Variants in CPN2 observed in about 807,000 individuals in gnomAD.
The protein encoded by CPN2 is carboxypeptidase N subunit 2.
For synonymous variants in CPN2, 336 were observed against 318.4 expected, an observed-to-expected ratio of 1.06 and a Z score of -0.59; for missense variants, 620 against 671.4, an observed-to-expected ratio of 0.92 and a Z score of 0.85.
chr3:194,349,778 C>CG (rs1713196230), intron 1 of CPN2, among the ~76,000 whole-genome samples: 3 of 65,538 alleles, frequency 4.6e-5, no homozygotes, highest in African/African-American at 1.2e-4. Flanking sequence ...CTACCCTCTT[C>CG]TTTTTTTTTT....
At chr3:194,350,372 G>A (rs997295631) in intron 1 of CPN2, among the ~76,000 whole-genome samples, 3 of 152,184 alleles carry the variant, frequency 2.0e-5, no homozygotes, top group Non-Finnish European at 4.4e-5. Context: ...AGTAGCAGGG[G>A]AAAGCACTTT....
intron 1 of CPN2, among the ~76,000 whole-genome samples, chr3:194,343,750 C>A (rs1459573176): frequency 6.6e-6 from 1 of 152,174 alleles, no homozygotes; most frequent in East Asian, 1.9e-4. Flanking sequence ...TAGTCCCTAC[C>A]ACATAAGGGT....
chr3:194,342,445 G>A lies in CPN2; in HGVS notation c.258C>T (p.Cys86=), dbSNP rs1712888810. The change falls in exon 2 of 2, where the codon TGC becomes TGT. Residue 86 remains cysteine (C), a synonymous_variant. Coordinates refer to ENST00000323830, the MANE Select transcript of CPN2 (RefSeq NM_001080513.4). ...TKVVFLNTQL[C]QFRPDAFGGL... is the part of the protein sequence containing the mutation. ...CCCCGAAGGCATCCGGCCTAAACTGGCAGAGCTGAGTGTTGAGGAAGACCA... is the reference window on the plus strand; with the variant it reads ...CCCCGAAGGCATCCGGCCTAAACTGACAGAGCTGAGTGTTGAGGAAGACCA... The A allele has an allele frequency of 5.0e-6, 8 of 1,614,126 alleles. No homozygotes were observed. Among genetic ancestry groups the A allele is most frequent in the Non-Finnish European group, 6.8e-6 (8 of 1,180,040 alleles).
Position 194,342,227 on chromosome 3 carries a change from GC to G in CPN2, c.475del (p.Ala159ProfsTer10). On this transcript the variant is annotated frameshift_variant, in exon 2 of 2. Coordinates refer to ENST00000323830, the MANE Select transcript of CPN2 (RefSeq NM_001080513.4). LOFTEE classifies it low-confidence loss of function (END_TRUNC). ...AGGCTGGAAGAGCCTCCTGGGCAGG[GC>G]CTGGAGCTGGTTCCCCTGCAGGTGG... ...SLHLQGNQLQ[A>X]LPRRLFQPLT... 6.2e-7 allele frequency: 1 copy of G among 1,613,960 alleles called. No individual in the cohort carries two copies. Among genetic ancestry groups the G allele is most frequent in the Non-Finnish European group, 8.5e-7 (1 of 1,179,922 alleles).
chr3:194,344,654 C>A (rs1463212202), intron 1 of CPN2, among the ~76,000 whole-genome samples: 1 of 152,200 alleles, frequency 6.6e-6, no homozygotes, highest in Non-Finnish European at 1.5e-5. Flanking sequence ...GAGATCGTGC[C>A]ACTGCACTCC....
intron 1 of CPN2, among the ~76,000 whole-genome samples, chr3:194,349,772 CCT>C: frequency 8.3e-6 from 1 of 120,694 alleles, no homozygotes; most frequent in African/African-American, 3.5e-5. Flanking sequence ...TCCTGACTAC[CCT>C]CTTCTTTTTT....
In CPN2 at chr3:194,342,195, G is replaced by A. The variant is rs146780118; in HGVS notation, c.508C>T (p.His170Tyr). ...LPRRLFQPLT[H>Y]LKTLNLAQNL... ...TGGGCCAGGTTGAGTGTCTTCAGAT[G>A]GGTCAGAGGCTGGAAGAGCCTCCTG... is the stretch of plus-strand genomic sequence containing the variant. The change falls in exon 2 of 2, where the codon CAT becomes TAT. Residue 170 changes from histidine (H) to tyrosine (Y), a missense_variant. His to Tyr is a moderately conservative substitution (Grantham distance 83). Transcript: ENST00000323830. 1.6e-5 allele frequency: 26 copies of A among 1,613,964 alleles called. No individual in the cohort carries two copies. The East Asian group carries it at 4.7e-4, about 29-fold the overall frequency.
In CPN2 at chr3:194,342,052, G is replaced by T. The variant is rs1313120037; in HGVS notation, c.651C>A (p.Gly217=). 2.5e-6 allele frequency: 4 copies of T among 1,614,184 alleles called. No homozygotes were observed. Among genetic ancestry groups the T allele is most frequent in the Non-Finnish European group, 2.5e-6 (3 of 1,180,032 alleles). ...GLPQGVFGKL[G]SLQELFLDSN... is the part of the protein sequence containing the mutation. ...TGTCCAGGAAGAGCTCCTGCAGGCT[G>T]CCCAGTTTGCCAAACACACCCTGGG... is the stretch of plus-strand genomic sequence containing the variant. The change falls in exon 2 of 2, where the codon GGC becomes GGA. Residue 217 remains glycine (G), a synonymous_variant. Transcript: ENST00000323830.
At chr3:194,343,320 T>A (rs1712934489) in intron 1 of CPN2, among the ~76,000 whole-genome samples, 1 of 152,236 alleles carries the variant, frequency 6.6e-6, no homozygotes, top group Non-Finnish European at 1.5e-5. Context: ...TACTGTTTTT[T>A]AAAAAATTAA....
rs768490990 is a variant in CPN2 at position 194,342,179 on chromosome 3, T to C, written c.524A>G (p.Asn175Ser). The C allele has an allele frequency of 1.8e-5, 29 of 1,613,904 alleles. No individual in the cohort carries two copies. The highest frequency in any genetic ancestry group is 6.7e-5 in the African/African-American group (5 of 74,882). The part of the protein sequence containing the change: ...FQPLTHLKTL[N>S]LAQNLLAQLP... ...CTGGGCCAGGAGGTTCTGGGCCAGG[T>C]TGAGTGTCTTCAGATGGGTCAGAGG... is the stretch of plus-strand genomic sequence containing the variant. Residue 175 changes from asparagine to serine, a missense_variant, in exon 2 of 2, where the codon AAC (asparagine) becomes AGC (serine). By Grantham distance (46) the Asn-to-Ser change is conservative (BLOSUM62 1). Coordinates refer to ENST00000323830, the MANE Select transcript of CPN2 (RefSeq NM_001080513.4).
At chr3:194,349,990 T>C (rs1273302868) in intron 1 of CPN2, among the ~76,000 whole-genome samples, 1 of 151,618 alleles carries the variant, frequency 6.6e-6, no homozygotes, top group Non-Finnish European at 1.5e-5. Context: ...TTAGTAGAGA[T>C]GGGGTTTCAC....
rs60371099 is a variant in CPN2 at position 194,348,280 on chromosome 3, C to T, written c.-4+2962G>A. On this transcript the variant is annotated intron_variant, in intron 1 of 1. Coordinates refer to ENST00000323830, the MANE Select transcript of CPN2 (RefSeq NM_001080513.4). ...CATCCGCTGCCCAGTTCAGCCCACC[C>T]CACCCTCTGCCCAGTTCATCCCACC... Among the ~76,000 whole-genome samples, 1,100 of 42,554 alleles carry T rather than the reference C, an allele frequency of 0.026. 465 individuals are homozygous for T. In the East Asian group the frequency reaches 0.33, roughly 13 times the overall value. The allele number at this position is 42,554 out of a possible 152,430, so 27.9% of individuals were successfully genotyped here.
At position 194,341,105 on chromosome 3, in the gene CPN2, C is replaced by G. The variant is rs769880346; in HGVS notation, c.1598G>C (p.Arg533Pro). The change falls in exon 2 of 2, where the codon CGG (arginine) becomes CCG (proline). Residue 533 changes from arginine (R) to proline (P), a missense_variant. Arg to Pro is a moderately radical substitution (Grantham distance 103). Transcript: ENST00000323830. ...CCGAGCCTCGATAGACACGGTGAGC[C>G]GCAGAGAACCGCAGCTCGACCTCAG... ...WDLRSSCGSL[R>P]LTVSIEARAA... The G allele has an allele frequency of 6.2e-7, 1 of 1,610,060 alleles. No homozygotes were observed. The highest frequency in any genetic ancestry group is 8.5e-7 in the Non-Finnish European group (1 of 1,177,556).
chr3:194,349,790 T>C (rs1713198673), intron 1 of CPN2, among the ~76,000 whole-genome samples: 1 of 37,094 alleles, frequency 2.7e-5, no homozygotes, highest in Non-Finnish European at 5.5e-5. Context: ...TTTTTTTTTT[T>C]TTTTTTTTTT....
chr3:194,343,135 C>CA (rs1178553911), intron 1 of CPN2, among the ~76,000 whole-genome samples: 5 of 152,064 alleles, frequency 3.3e-5, no homozygotes, highest in African/African-American at 9.7e-5. Flanking sequence ...GATGGCTCCT[C>CA]AAAACTGCTG....
intron 1 of CPN2, among the ~76,000 whole-genome samples, chr3:194,350,830 AC>A (rs1420773088): frequency 1.3e-5 from 2 of 151,352 alleles, no homozygotes; most frequent in African/African-American, 2.4e-5. Flanking sequence ...ATCTCAAAAA[AC>A]AATAATTATA....
intron 1 of CPN2, among the ~76,000 whole-genome samples, chr3:194,350,618 GC>G (rs1713232442): frequency 6.6e-6 from 1 of 152,094 alleles, no homozygotes; most frequent in South Asian, 2.1e-4. Context: ...ATAAAAGGTG[GC>G]CCCCTGCAGG....
chr3:194,349,978 T>C (rs2108652079), intron 1 of CPN2, among the ~76,000 whole-genome samples: 1 of 151,786 alleles, frequency 6.6e-6, no homozygotes, highest in South Asian at 2.1e-4. Flanking sequence ...ATTTTTGTAT[T>C]TTTAGTAGAG....
chr3:194,342,380 C>A lies in CPN2; in HGVS notation c.323G>T (p.Ser108Ile), dbSNP rs1712882199. The change falls in exon 2 of 2, where the codon AGC becomes ATC. Residue 108 changes from serine to isoleucine, a missense_variant. Physicochemically the swap from Ser to Ile is moderately radical, Grantham distance 142. Transcript: ENST00000323830. ...GATGTTGGTGCTGAGGTTCAAGAAGCTACTGCCTGTGACCTCCAGGTCCTC... is the reference window on the plus strand; with the variant it reads ...GATGTTGGTGCTGAGGTTCAAGAAGATACTGCCTGTGACCTCCAGGTCCTC... ...RLEDLEVTGS[S>I]FLNLSTNIFS... The A allele has an allele frequency of 6.2e-7, 1 of 1,614,056 alleles. No individual in the cohort carries two copies. The highest frequency in any genetic ancestry group is 1.3e-5 in the African/African-American group (1 of 74,934).
Sources: gnomAD v4.1 joint callset for allele counts (sites outside exome capture counted in the v4.1 genomes callset) on GRCh38, gnomAD v4.1.1 for gene constraint, MANE v1.5 for transcripts, NCBI Gene and HGNC (gene_info 2026-07-23, HGNC 2026-07-21) for gene names.